Variants in COG6 observed in about 807,000 individuals in gnomAD.
COG6 encodes conserved oligomeric Golgi complex subunit 6.
COG6 carries 74 observed loss-of-function variants against 88.8 expected under a neutral mutation model. The observed-to-expected ratio is 0.83, with a 90% CI of 0.69 to 1.01. COG6 has a LOEUF of 1.01. COG6 is among the 50% of genes least tolerant of loss of function. COG6 has a pLI of 0.00. For synonymous variants in COG6, 286 were observed against 278.7 expected, an observed-to-expected ratio of 1.03 and a Z score of -0.26; for missense variants, 800 against 797.9, an observed-to-expected ratio of 1.00 and a Z score of -0.03.
intron 18 of COG6, among the ~76,000 whole-genome samples, chr13:39,778,841 C>T (rs1283817837): frequency 1.3e-5 from 2 of 152,202 alleles, no homozygotes; most frequent in African/African-American, 4.8e-5. Context: ...GGCCTCCACA[C>T]AGGCTGCCTG....
chr13:39,662,484 A>G (rs1390816759), intron 3 of COG6, among the ~76,000 whole-genome samples: 1 of 152,100 alleles, frequency 6.6e-6, no homozygotes, highest in Non-Finnish European at 1.5e-5. Flanking sequence ...CTGCAGTGGC[A>G]TGGGCCTATT....
At position 39,655,690 on chromosome 13, in the gene COG6, G is replaced by T; in HGVS notation, c.-37G>T. ...CGCGCTGCCTCCGTGGTCCCTGCCT[G>T]GCTGAGGTGGCAGCAGGGGGCGGGA... On this transcript the variant is annotated 5_prime_UTR_variant, in exon 1 of 19. Coordinates refer to ENST00000455146, the MANE Select transcript of COG6 (RefSeq NM_020751.3). 1 of 1,553,874 alleles carries T rather than the reference G, an allele frequency of 6.4e-7. No homozygotes were observed. The highest frequency in any genetic ancestry group is 8.7e-7 in the Non-Finnish European group (1 of 1,150,702).
At chr13:39,744,182 G>C (rs1348933923) in intron 18 of COG6, among the ~76,000 whole-genome samples, 1 of 152,120 alleles carries the variant, frequency 6.6e-6, no homozygotes, top group Non-Finnish European at 1.5e-5. Context: ...CATTCCCTTT[G>C]AAAACTGGCA....
chr13:39,658,818 T>C (rs1874698110), intron 1 of COG6, among the ~76,000 whole-genome samples: 1 of 152,176 alleles, frequency 6.6e-6, no homozygotes, highest in Non-Finnish European at 1.5e-5. Flanking sequence ...AAGTTCTACT[T>C]CCAGTTATTC....
intron 4 of COG6, among the ~76,000 whole-genome samples, chr13:39,675,571 A>T (rs1001214069): frequency 3.3e-5 from 5 of 152,130 alleles, no homozygotes; most frequent in Non-Finnish European, 5.9e-5. Flanking sequence ...TTGTAGCTAT[A>T]TATAGAGCCT....
At chr13:39,778,249 C>T (rs1218071732) in intron 18 of COG6, among the ~76,000 whole-genome samples, 1 of 152,108 alleles carries the variant, frequency 6.6e-6, no homozygotes, top group Non-Finnish European at 1.5e-5. Flanking sequence ...TATAATCTGA[C>T]TAATTATAAT....
intron 11 of COG6, among the ~76,000 whole-genome samples, chr13:39,690,268 T>C (rs1387466799): frequency 6.6e-6 from 1 of 152,008 alleles, no homozygotes; most frequent in Non-Finnish European, 1.5e-5. Flanking sequence ...ATCAATACTG[T>C]TTATAGTGCA....
intron 7 of COG6, 22 bp downstream of exon 7, chr13:39,680,067 G>A (rs370637713): frequency 2.3e-5 from 33 of 1,429,974 alleles, no homozygotes; most frequent in Admixed American, 5.0e-5. Flanking sequence ...CTTTTATGTT[G>A]TCTAGATTCA....
rs751063711 is a variant in COG6, at chr13:39,719,364, G to T, written c.1413G>T (p.Val471=). The T allele has an allele frequency of 1.2e-6, 2 of 1,611,896 alleles. No homozygotes were observed. The highest frequency in any genetic ancestry group is 2.2e-5 in the South Asian group (2 of 91,020). Residue 471 remains valine (V), a synonymous_variant, in exon 14 of 19, where the codon GTG becomes GTT. Transcript: ENST00000455146. ...TAGATGCTCGTCAAGCTGATTTTGTGCAGGTATGTTATAAATTCATTTTTA... is the reference window on the plus strand; with the variant it reads ...TAGATGCTCGTCAAGCTGATTTTGTTCAGGTATGTTATAAATTCATTTTTA... ...VPLDARQADF[V]QVLSCVLDPL... is the part of the protein sequence containing the mutation.
intron 7 of COG6, 85 bp downstream of exon 7, chr13:39,680,130 T>A: frequency 1.3e-6 from 1 of 790,386 alleles, no homozygotes; most frequent in Non-Finnish European, 2.1e-6. Flanking sequence ...TTTGATATAT[T>A]TTGATTTTAG....
In COG6 at chr13:39,727,555, AT is replaced by A; in HGVS notation, c.1826+12del. 1.9e-6 allele frequency: 3 copies of A among 1,603,752 alleles called. No homozygotes were observed. Among genetic ancestry groups the A allele is most frequent in the Non-Finnish European group, 2.6e-6 (3 of 1,170,692 alleles). ...TTCTAAGTGCCACAGTGAAGTAAGTATTTTTGGTCCCAAGTAGTTGGTAAAG... is the reference window on the plus strand; with the variant it reads ...TTCTAAGTGCCACAGTGAAGTAAGTATTTTGGTCCCAAGTAGTTGGTAAAG... On this transcript the variant is annotated splice_region_variant and intron_variant, in intron 18 of 18. Coordinates refer to ENST00000455146, the MANE Select transcript of COG6 (RefSeq NM_020751.3).
exon 19 of COG6, chr13:39,788,434 C>T: frequency 7.1e-7 from 1 of 1,400,448 alleles, no homozygotes; most frequent in Non-Finnish European, 9.9e-7. Context: ...GAAAACTCTG[C>T]CTTGGGGACT....
At chr13:39,667,180 A>C (rs1875326934) in intron 4 of COG6, among the ~76,000 whole-genome samples, 1 of 152,198 alleles carries the variant, frequency 6.6e-6, no homozygotes, top group Admixed American at 6.5e-5. Context: ...GACTAGTTGA[A>C]AGGTAGAATA....
At chr13:39,656,020 C>G in intron 1 of COG6, 141 bp downstream of exon 1, 1 of 1,102,028 alleles carries the variant, frequency 9.1e-7, no homozygotes, top group Non-Finnish European at 1.4e-6. Context: ...CTGCGGGCTC[C>G]GCTGCTCTGC....
At position 39,752,147 on chromosome 13, in the gene COG6, C is replaced by CA. The variant is rs144577794; in HGVS notation, c.*1063dup. The CA allele has an allele frequency of 9.6e-4, 1,080 of 1,129,682 alleles. No homozygotes were observed. Among genetic ancestry groups the CA allele is most frequent in the Middle Eastern group, 1.2e-3 (3 of 2,606 alleles). The allele number at this position is 1,129,682 out of a possible 1,614,324, so 70.0% of individuals were successfully genotyped here. ...GTGCCTGATTTGACATTCTTGTCAGCAAAAAAAAACTTAATTTCTAGTAAA... is the reference window on the plus strand; with the variant it reads ...GTGCCTGATTTGACATTCTTGTCAGCAAAAAAAAAACTTAATTTCTAGTAAA... On this transcript the variant is annotated 3_prime_UTR_variant, in exon 19 of 19. Transcript: ENST00000455146.
chr13:39,661,417 A>G (rs928620191), intron 3 of COG6, among the ~76,000 whole-genome samples: 2 of 152,176 alleles, frequency 1.3e-5, no homozygotes, highest in South Asian at 2.1e-4. Context: ...CTAAGGGCCA[A>G]TCATGATTAT....
intron 18 of COG6, among the ~76,000 whole-genome samples, chr13:39,785,075 A>T (rs1023224114): frequency 4.6e-5 from 7 of 152,226 alleles, no homozygotes; most frequent in African/African-American, 1.7e-4. Context: ...TGGCTATGGC[A>T]TAGTCAACAG....
At chr13:39,785,169 A>C (rs988158538) in intron 18 of COG6, among the ~76,000 whole-genome samples, 1 of 152,228 alleles carries the variant, frequency 6.6e-6, no homozygotes, top group Non-Finnish European at 1.5e-5. Context: ...GAAGGTCATC[A>C]AAAGAGGTGC....
chr13:39,727,434 G>A (rs758178210), intron 17 of COG6, 35 bp from the exon 18 acceptor site: 2 of 1,472,704 alleles, frequency 1.4e-6, no homozygotes, highest in Non-Finnish European at 1.9e-6. Context: ...GCACATATAT[G>A]TACTTTATAT....
Sources: allele counts gnomAD v4.1 joint callset (sites outside exome capture counted in the v4.1 genomes callset), GRCh38; gene constraint gnomAD v4.1.1; transcripts MANE v1.5; gene names NCBI Gene and HGNC (gene_info 2026-07-23, HGNC 2026-07-21).